Variants in UTS2B observed in about 807,000 individuals in gnomAD.
The protein encoded by UTS2B is urotensin-2B.
A neutral mutation model predicts 19.2 loss-of-function variants in UTS2B; 21 were observed. The ratio of observed to expected loss-of-function variants is 1.09; its 90% confidence interval spans 0.78 to 1.58. The LOEUF is 1.58. Ranked by LOEUF, UTS2B falls within the 40% of genes most tolerant of loss-of-function variation. UTS2B has a pLI of 0.00. For missense variants in UTS2B, 138 were observed against 130.3 expected (o/e 1.06, Z -0.29); for synonymous variants, 57 against 50.2 (o/e 1.14, Z -0.58).
intron 2 of UTS2B, among the ~76,000 whole-genome samples, chr3:191,327,636 C>T (rs550045621): frequency 1.3e-5 from 2 of 152,212 alleles, no homozygotes; most frequent in Non-Finnish European, 2.9e-5. Context: ...TATTTCTCTC[C>T]TCCCTTCTTT....
intron 4 of UTS2B, among the ~76,000 whole-genome samples, chr3:191,295,333 ATC>A (rs1423419312): frequency 1.3e-5 from 2 of 151,918 alleles, no homozygotes; most frequent in African/African-American, 2.4e-5. Flanking sequence ...TTTCCTGGGT[ATC>A]TCTGCAGTGT....
At chr3:191,302,166 A>G (rs544367251) in intron 4 of UTS2B, among the ~76,000 whole-genome samples, 23 of 152,326 alleles carry the variant, frequency 1.5e-4, no homozygotes, top group African/African-American at 5.3e-4. Flanking sequence ...ACCTCCGGCC[A>G]TCCTCACTGC....
intron 2 of UTS2B, among the ~76,000 whole-genome samples, chr3:191,317,464 G>A: frequency 6.6e-6 from 1 of 152,224 alleles, no homozygotes; most frequent in East Asian, 1.9e-4. Flanking sequence ...GCAGCTGCGG[G>A]CGAAGGGCTC....
At position 191,276,863 on chromosome 3, in the gene UTS2B, A is replaced by T; in HGVS notation, c.203-19T>A. ...GCTAGGTCTGCAAGACACATTTGTC[A>T]CATGAAAAAACGTACATTGCAAGTA... On this transcript the variant is annotated intron_variant, in intron 6 of 8. Coordinates refer to ENST00000340524, the MANE Select transcript of UTS2B (RefSeq NM_198152.5). 1.2e-6 allele frequency: 2 copies of T among 1,607,890 alleles called. No individual in the cohort carries two copies. The highest frequency in any genetic ancestry group is 1.7e-6 in the Non-Finnish European group (2 of 1,177,376).
intron 2 of UTS2B, among the ~76,000 whole-genome samples, chr3:191,327,108 A>G (rs918048408): frequency 1.3e-5 from 2 of 152,242 alleles, no homozygotes; most frequent in African/African-American, 4.8e-5. Flanking sequence ...TGTAACAGTC[A>G]CAGTCTAGGT....
chr3:191,341,332 T>C, the UTS2B span, among the ~76,000 whole-genome samples: 1 of 152,190 alleles, frequency 6.6e-6, no homozygotes, highest in Non-Finnish European at 1.5e-5. Flanking sequence ...TCACATACCT[T>C]ATCTAATTTA....
At chr3:191,271,063 G>T (rs959620354) in intron 8 of UTS2B, among the ~76,000 whole-genome samples, 3 of 151,772 alleles carry the variant, frequency 2.0e-5, no homozygotes, top group Non-Finnish European at 4.4e-5. Flanking sequence ...ATTAGCTGAG[G>T]GTGGTGGCCA....
chr3:191,296,480 C>T (rs6769898), intron 4 of UTS2B, among the ~76,000 whole-genome samples: 58,624 of 151,990 alleles, frequency 0.39, 11,801 homozygotes, highest in East Asian at 0.64. Flanking sequence ...CATTGCACTA[C>T]AAGCTTCAAT....
upstream of UTS2B, among the ~76,000 whole-genome samples, chr3:191,333,809 C>A (rs1295293835): frequency 2.0e-5 from 3 of 151,994 alleles, no homozygotes; most frequent in Admixed American, 6.6e-5. Flanking sequence ...GAGATAATAC[C>A]TTTTAAACTG....
chr3:191,293,543 G>C (rs1454952890), intron 4 of UTS2B, among the ~76,000 whole-genome samples: 2 of 151,630 alleles, frequency 1.3e-5, no homozygotes, highest in African/African-American at 4.9e-5. Context: ...ATATTCCTTT[G>C]TAACTATTTT....
At chr3:191,322,688 GA>G (rs1473320506) in intron 2 of UTS2B, among the ~76,000 whole-genome samples, 1 of 152,024 alleles carries the variant, frequency 6.6e-6, no homozygotes, top group Non-Finnish European at 1.5e-5. Flanking sequence ...AGTTTTAGAG[GA>G]AAAAATAATG....
chr3:191,323,411 C>G (rs985137983), intron 2 of UTS2B, among the ~76,000 whole-genome samples: 13 of 152,120 alleles, frequency 8.5e-5, no homozygotes, highest in African/African-American at 3.1e-4. Context: ...TCAGGTGGTT[C>G]GCCCACCTGG....
At chr3:191,271,642 C>G (rs1033390262) in intron 8 of UTS2B, among the ~76,000 whole-genome samples, 6 of 152,130 alleles carry the variant, frequency 3.9e-5, no homozygotes, top group African/African-American at 1.4e-4. Flanking sequence ...TTGACTCTGC[C>G]TCATCTGCTC....
chr3:191,282,018 A>T, intron 5 of UTS2B, 69 bp downstream of exon 5: 1 of 1,157,782 alleles, frequency 8.6e-7, no homozygotes, highest in South Asian at 1.4e-5. Flanking sequence ...CAGAAAAATC[A>T]AATTTGTTCA....
At chr3:191,304,043 C>G (rs1240523127) in intron 4 of UTS2B, among the ~76,000 whole-genome samples, 1 of 151,806 alleles carries the variant, frequency 6.6e-6, no homozygotes, top group East Asian at 1.9e-4. Context: ...AATCTCGGCT[C>G]ACTGCAACCT....
At chr3:191,343,282 A>C in the UTS2B span, among the ~76,000 whole-genome samples, 1 of 152,180 alleles carries the variant, frequency 6.6e-6, no homozygotes, top group East Asian at 1.9e-4. Flanking sequence ...TAGTTTGTTT[A>C]AGATTATTTA....
At chr3:191,269,538 C>G (rs1470982594) in intron 8 of UTS2B, among the ~76,000 whole-genome samples, 1 of 149,992 alleles carries the variant, frequency 6.7e-6, no homozygotes, top group Non-Finnish European at 1.5e-5. Flanking sequence ...TGAGGCTTCT[C>G]ACTATATTCC....
At chr3:191,274,546 T>C (rs1244819219) in intron 8 of UTS2B, among the ~76,000 whole-genome samples, 5 of 152,202 alleles carry the variant, frequency 3.3e-5, no homozygotes, top group Non-Finnish European at 7.3e-5. Flanking sequence ...GTCTGAATGC[T>C]TAATGACTAT....
upstream of UTS2B, among the ~76,000 whole-genome samples, chr3:191,331,556 C>G (rs764167725): frequency 6.6e-6 from 1 of 152,098 alleles, no homozygotes; most frequent in Non-Finnish European, 1.5e-5. Context: ...CAGTGTGGCT[C>G]TTTCATTAAG....
Sources: allele counts gnomAD v4.1 joint callset (sites outside exome capture counted in the v4.1 genomes callset), GRCh38; gene constraint gnomAD v4.1.1; transcripts MANE v1.5; gene names NCBI Gene and HGNC (gene_info 2026-07-23, HGNC 2026-07-21).